The following SFMBT2 variants were observed in gnomAD, a reference collection of about 807,000 sequenced individuals.
SFMBT2 encodes the protein scm-like with four MBT domains protein 2.
Under a neutral mutation model 110.1 loss-of-function variants are expected in SFMBT2, and 38 were observed. The ratio of observed to expected loss-of-function variants is 0.35; its 90% CI spans 0.27 to 0.45. The LOEUF is 0.45. Ranked by LOEUF, SFMBT2 falls within the 20% of genes least tolerant of loss-of-function variation. The pLI, the probability that SFMBT2 is intolerant of heterozygous loss-of-function variation, is 1.00. For missense variants in SFMBT2, 1,011 were observed against 1,094.9 expected (o/e 0.92, Z 1.08); for synonymous variants, 425 against 425.4 (o/e 1.00, Z 0.01).
rs1182922910 is a variant in SFMBT2 at position 7,161,599 on chromosome 10, C to A, written c.*2171G>T. 6.6e-6 allele frequency: 1 copy of A among 152,130 alleles called. No homozygotes were observed. Among genetic ancestry groups the A allele is most frequent in the East Asian group, 1.9e-4 (1 of 5,188 alleles). 9.4% of individuals were successfully genotyped at this position (152,130 alleles called of 1,614,324 possible). A position where few individuals can be genotyped will look rare whatever the true frequency, so the allele number is the denominator to read the frequency against. ...GCCCGGGGCAAGCCAGCCACAGATC[C>A]CAGAGACATTTCTGTCGGGGTACAA... On this transcript the variant is annotated 3_prime_UTR_variant, in exon 21 of 21. Transcript: ENST00000397167.
intron 2 of SFMBT2, chr10:7,370,764 G>A (rs193253324): frequency 1.3e-3 from 1,193 of 926,568 alleles, no homozygotes; most frequent in Non-Finnish European, 1.5e-3. Flanking sequence ...AGCAAGGGCT[G>A]TGATGTAGGC....
intron 7 of SFMBT2, among the ~76,000 whole-genome samples, chr10:7,255,751 C>G (rs1840984572): frequency 6.6e-6 from 1 of 152,176 alleles, no homozygotes; most frequent in African/African-American, 2.4e-5. Context: ...TCTCACTCTC[C>G]TACTAAGATG....
At chr10:7,368,354 A>T in intron 3 of SFMBT2, 1 of 985,292 alleles carries the variant, frequency 1.0e-6, no homozygotes. Context: ...GTTGTTTTTT[A>T]ATTAAGGGTG....
At chr10:7,318,131 G>C (rs937775934) in intron 4 of SFMBT2, among the ~76,000 whole-genome samples, 2 of 152,228 alleles carry the variant, frequency 1.3e-5, no homozygotes, top group Non-Finnish European at 2.9e-5. Context: ...TGAAATTCTG[G>C]CTAATGCTGG....
At chr10:7,344,869 G>A (rs937692821) in intron 4 of SFMBT2, among the ~76,000 whole-genome samples, 2 of 147,286 alleles carry the variant, frequency 1.4e-5, no homozygotes, top group African/African-American at 5.1e-5. Context: ...TGAGGCAAGA[G>A]AATGGTGTGA....
intron 4 of SFMBT2, among the ~76,000 whole-genome samples, chr10:7,360,973 T>C (rs1564458018): frequency 6.6e-6 from 1 of 152,258 alleles, no homozygotes. Flanking sequence ...TTAAAACTTT[T>C]AGAATATTTA....
At chr10:7,240,708 A>G (rs1840400614) in intron 9 of SFMBT2, among the ~76,000 whole-genome samples, 2 of 152,130 alleles carry the variant, frequency 1.3e-5, no homozygotes, top group Admixed American at 6.5e-5. Context: ...CTCATCTGAT[A>G]AGCAGACACC....
chr10:7,188,869 T>A, intron 15 of SFMBT2, 136 bp from the exon 16 acceptor site: 1 of 670,484 alleles, frequency 1.5e-6, no homozygotes, highest in Non-Finnish European at 2.4e-6. Flanking sequence ...GAAACGTGAT[T>A]AAGTCTGATA....
intron 11 of SFMBT2, among the ~76,000 whole-genome samples, chr10:7,216,405 T>C (rs1685687452): frequency 6.6e-6 from 1 of 152,216 alleles, no homozygotes. Context: ...CCCTTTTTGC[T>C]TGGCCTCATT....
intron 10 of SFMBT2, among the ~76,000 whole-genome samples, chr10:7,224,644 C>G (rs1334794101): frequency 6.6e-6 from 1 of 152,142 alleles, no homozygotes; most frequent in Non-Finnish European, 1.5e-5. Context: ...CGTTTTTGGT[C>G]CTGTGTCCAG....
At chr10:7,199,163 G>C (rs551091524) in intron 14 of SFMBT2, among the ~76,000 whole-genome samples, 1 of 152,034 alleles carries the variant, frequency 6.6e-6, no homozygotes, top group Admixed American at 6.5e-5. Flanking sequence ...ATTTTTAGTA[G>C]AGACAAGGTC....
At chr10:7,368,265 T>A in intron 3 of SFMBT2, 2 of 849,710 alleles carry the variant, frequency 2.4e-6, no homozygotes, top group Non-Finnish European at 2.8e-6. Context: ...CATCTGAATG[T>A]GGACTACACG....
intron 4 of SFMBT2, among the ~76,000 whole-genome samples, chr10:7,350,333 G>T (rs963500204): frequency 6.6e-6 from 1 of 152,036 alleles, no homozygotes; most frequent in East Asian, 1.9e-4. Flanking sequence ...CCATCCACAC[G>T]CTGGGACATT....
intron 1 of SFMBT2, among the ~76,000 whole-genome samples, chr10:7,388,436 C>T (rs1845677868): frequency 6.6e-6 from 1 of 151,628 alleles, no homozygotes; most frequent in South Asian, 2.1e-4. Flanking sequence ...TGGCTCACTG[C>T]AACCTCCACC....
At chr10:7,395,490 C>T (rs541336817) in intron 1 of SFMBT2, among the ~76,000 whole-genome samples, 35 of 152,330 alleles carry the variant, frequency 2.3e-4, no homozygotes, top group African/African-American at 7.9e-4. Context: ...GGTTCTTCAG[C>T]TCTAGGATAT....
chr10:7,369,355 A>T (rs961842878), intron 3 of SFMBT2, among the ~76,000 whole-genome samples: 3 of 152,222 alleles, frequency 2.0e-5, no homozygotes, highest in African/African-American at 7.2e-5. Context: ...TAAAACAAAA[A>T]TTAAAGACTA....
At position 7,171,987 on chromosome 10, in the gene SFMBT2, G is replaced by C. The variant is rs778596549; in HGVS notation, c.2323C>G (p.Pro775Ala). ...CCGCGGCCCCTTCGTGTCCTCTCTG[G>C]GGGTGGCCGGCGCACGGGCTCTGAG... is the stretch of plus-strand genomic sequence containing the variant. ...SGSEPVRRPP[P>A]ERTRRGRGAP... The change falls in exon 19 of 21, where the codon CCA becomes GCA. Residue 775 changes from proline (P) to alanine (A), a missense_variant. Pro to Ala is a conservative substitution (Grantham distance 27, BLOSUM62 -1). Transcript: ENST00000397167. The surrounding 1 kb of genome is among the most constrained non-coding windows in gnomAD (Gnocchi z 4.9). The C allele has an allele frequency of 1.2e-5, 19 of 1,549,666 alleles. No homozygotes were observed. In the South Asian group the frequency reaches 2.2e-4, roughly 18 times the overall value.
chr10:7,322,630 C>T (rs1442048329), intron 4 of SFMBT2, among the ~76,000 whole-genome samples: 3 of 147,692 alleles, frequency 2.0e-5, no homozygotes, highest in African/African-American at 7.7e-5. Flanking sequence ...CACACACACA[C>T]ATACACAGCA....
chr10:7,208,694 AAAAAAAG>A (rs1268507405), intron 11 of SFMBT2, among the ~76,000 whole-genome samples: 2 of 121,940 alleles, frequency 1.6e-5, no homozygotes, highest in Non-Finnish European at 3.7e-5. Context: ...CTCAAAAAAA[AAAAAAAG>A]AAAAAAAAAA....
Sources: allele counts gnomAD v4.1 joint callset (sites outside exome capture counted in the v4.1 genomes callset), GRCh38; gene constraint gnomAD v4.1.1; non-coding constraint Gnocchi (gnomAD v3.1); transcripts MANE v1.5; gene names NCBI Gene and HGNC (gene_info 2026-07-23, HGNC 2026-07-21).